The following CPS1 variants were observed in gnomAD, a reference collection of about 807,000 sequenced individuals.
CPS1 encodes carbamoyl-phosphate synthase 1, also known as carbamoyl-phosphate synthase [ammonia], mitochondrial.
In CPS1, 109 loss-of-function variants were observed where a neutral mutation model predicts 174.6. The observed-to-expected ratio is 0.62, with a 90% CI of 0.53 to 0.73. The LOEUF (loss-of-function observed/expected upper bound fraction) is 0.73, where lower values mean the gene tolerates loss of function less well. Among genes scored for constraint, CPS1 ranks in the 30% least tolerant of loss-of-function variants. CPS1 has a pLI of 0.00. For missense variants in CPS1, 1,689 were observed against 1,821.9 expected (o/e 0.93, Z 1.33); for synonymous variants, 637 against 632.0 (o/e 1.01, Z -0.12).
At chr2:210,560,307 A>G (rs994654276) in intron 1 of CPS1, among the ~76,000 whole-genome samples, 3 of 152,116 alleles carry the variant, frequency 2.0e-5, no homozygotes, top group Admixed American at 1.3e-4. Flanking sequence ...TAAGTGGATC[A>G]TAAGAGTATA....
At chr2:210,484,314 C>A (rs147821018) in intron 1 of CPS1, among the ~76,000 whole-genome samples, 1 of 152,052 alleles carries the variant, frequency 6.6e-6, no homozygotes, top group African/African-American at 2.4e-5. Context: ...AGCTGGAGCA[C>A]AGAGAGGGGT....
At position 210,594,520 on chromosome 2, in the gene CPS1, T is replaced by A; in HGVS notation, c.1177T>A (p.Ser393Thr). The A allele has an allele frequency of 6.2e-7, 1 of 1,610,390 alleles. No homozygotes were observed. Among genetic ancestry groups the A allele is most frequent in the Non-Finnish European group, 8.5e-7 (1 of 1,177,584 alleles). ...GPIDTEYLFD[S>T]FFSLIKKGKA... ...TATTTTTTTCTAGTACCTGTTTGAT[T>A]CCTTTTTCTCACTGATAAAGAAAGG... The change falls in exon 12 of 38, where the codon TCC becomes ACC. Residue 393 changes from serine to threonine, a missense_variant. Transcript: ENST00000233072.
chr2:210,601,215 C>T (rs1698714035), intron 15 of CPS1, among the ~76,000 whole-genome samples: 1 of 151,738 alleles, frequency 6.6e-6, no homozygotes, highest in South Asian at 2.1e-4. Context: ...TATTTATTTC[C>T]ATTGCCCCTT....
intron 21 of CPS1, among the ~76,000 whole-genome samples, chr2:210,635,616 T>G (rs1700020807): frequency 6.6e-6 from 1 of 152,214 alleles, no homozygotes; most frequent in African/African-American, 2.4e-5. Flanking sequence ...GGCTAGGGGC[T>G]GCTATGTTGG....
intron 20 of CPS1, among the ~76,000 whole-genome samples, chr2:210,615,617 A>G (rs191186886): frequency 6.6e-6 from 1 of 152,102 alleles, no homozygotes; most frequent in African/African-American, 2.4e-5. Flanking sequence ...TACAAGAATA[A>G]GAGTAGACAT....
At chr2:210,660,952 A>G (rs1377613847) in intron 32 of CPS1, among the ~76,000 whole-genome samples, 1 of 152,250 alleles carries the variant, frequency 6.6e-6, no homozygotes, top group Non-Finnish European at 1.5e-5. Flanking sequence ...TTTAGCTGGT[A>G]AATAGAAATC....
At chr2:210,637,612 G>A (rs4257337) in intron 21 of CPS1, 90 bp from the exon 22 acceptor site, 1 of 1,321,854 alleles carries the variant, frequency 7.6e-7, no homozygotes, top group African/African-American at 1.5e-5. Flanking sequence ...TGGAAAATAA[G>A]AAGCCCTTGG....
intron 5 of CPS1, among the ~76,000 whole-genome samples, chr2:210,581,848 A>C (rs1338193010): frequency 6.6e-6 from 1 of 152,198 alleles, no homozygotes; most frequent in Non-Finnish European, 1.5e-5. Context: ...CAATAATTTC[A>C]TCAGAGAAGG....
chr2:210,575,337 G>A (rs1697656902), intron 2 of CPS1, among the ~76,000 whole-genome samples: 1 of 151,964 alleles, frequency 6.6e-6, no homozygotes, highest in Non-Finnish European at 1.5e-5. Context: ...AAAGGATTTA[G>A]CTTAACTCAT....
At position 210,660,468 on chromosome 2, in the gene CPS1, G is replaced by C. The variant is rs561056761; in HGVS notation, c.3757-17G>C. On this transcript the variant is annotated splice_polypyrimidine_tract_variant and intron_variant, in intron 31 of 37. Coordinates refer to ENST00000233072, the MANE Select transcript of CPS1 (RefSeq NM_001875.5). ...CTCTCAATGTCCTCTTTCTCATTTTGAATTTTATCTCTTCAGGTGATTGAG... is the reference window on the plus strand; with the variant it reads ...CTCTCAATGTCCTCTTTCTCATTTTCAATTTTATCTCTTCAGGTGATTGAG... The C allele has an allele frequency of 1.9e-6, 3 of 1,613,366 alleles. No homozygotes were observed. In the African/African-American group the frequency reaches 4.0e-5, roughly 22 times the overall value.
intron 1 of CPS1, among the ~76,000 whole-genome samples, chr2:210,546,094 A>G (rs1427731314): frequency 1.3e-5 from 2 of 152,080 alleles, no homozygotes; most frequent in Admixed American, 1.3e-4. Flanking sequence ...ACTTCTAAGA[A>G]TAAAACTGAA....
intron 1 of CPS1, among the ~76,000 whole-genome samples, chr2:210,568,023 G>A (rs1697357856): frequency 6.6e-6 from 1 of 152,114 alleles, no homozygotes. Context: ...ACAACAGTGG[G>A]CTATTTCAGT....
chr2:210,600,416 T>C (rs1196490243), intron 14 of CPS1, 139 bp from the exon 15 acceptor site: 2 of 736,642 alleles, frequency 2.7e-6, no homozygotes, highest in Non-Finnish European at 4.4e-6. Context: ...TTCAATTTTT[T>C]TCCCTAAGTG....
At chr2:210,580,138 A>G (rs1697870047) in intron 5 of CPS1, among the ~76,000 whole-genome samples, 1 of 152,160 alleles carries the variant, frequency 6.6e-6, no homozygotes, top group African/African-American at 2.4e-5. Context: ...GCCTGAAGTG[A>G]AAACCTACAT....
At chr2:210,478,065 T>G (rs1694452475) in intron 1 of CPS1, among the ~76,000 whole-genome samples, 1 of 152,238 alleles carries the variant, frequency 6.6e-6, no homozygotes, top group Admixed American at 6.5e-5. Context: ...TTGGAACATG[T>G]GCTTTTATGA....
intron 1 of CPS1, among the ~76,000 whole-genome samples, chr2:210,572,394 T>C (rs115273179): frequency 0.017 from 2,618 of 152,164 alleles, 28 homozygotes; most frequent in Middle Eastern, 0.027. Context: ...TCTTAGAGAA[T>C]CTGTATTTTG....
chr2:210,556,323 C>T (rs1222719013), upstream of CPS1: 3 of 458,482 alleles, frequency 6.5e-6, no homozygotes, highest in Non-Finnish European at 1.3e-5. Flanking sequence ...TAAGCAAAAG[C>T]CTGTGATCCT....
intron 1 of CPS1, among the ~76,000 whole-genome samples, chr2:210,572,925 T>C (rs1409323294): frequency 6.6e-6 from 1 of 152,058 alleles, no homozygotes; most frequent in African/African-American, 2.4e-5. Context: ...TGCAAACTCA[T>C]GAACTTTCCT....
rs188883511 is a variant in CPS1 at position 210,643,521 on chromosome 2, T to C, written c.3141+856T>C. Among the ~76,000 whole-genome samples, 15 of 152,258 alleles carry C rather than the reference T, an allele frequency of 9.9e-5. No homozygotes were observed. The East Asian group carries it at 2.7e-3, about 27-fold the overall frequency. On this transcript the variant is annotated intron_variant, in intron 25 of 37. Coordinates refer to ENST00000233072, the MANE Select transcript of CPS1 (RefSeq NM_001875.5). The stretch of plus-strand genomic sequence containing the variant: ...TGACAACCTCATTGATTTCTTTAAG[T>C]TACATAAATTCTCCGTGCTTTATCT...
Sources: allele counts gnomAD v4.1 joint callset (sites outside exome capture counted in the v4.1 genomes callset), GRCh38; gene constraint gnomAD v4.1.1; transcripts MANE v1.5; gene names NCBI Gene and HGNC (gene_info 2026-07-23, HGNC 2026-07-21).